The following FLRT1 variants were observed in gnomAD, a reference collection of about 807,000 sequenced individuals.
FLRT1 encodes leucine-rich repeat transmembrane protein FLRT1.
A neutral mutation model predicts 30.9 loss-of-function variants in FLRT1; 14 were observed. The ratio of observed to expected loss-of-function variants is 0.45; its 90% CI spans 0.30 to 0.71. FLRT1 has a LOEUF of 0.71. FLRT1 is among the 30% of genes least tolerant of loss of function. FLRT1 has a pLI of 0.08. For synonymous variants in FLRT1, 368 were observed against 430.4 expected (o/e 0.85, Z 1.80); for missense variants, 737 against 949.2 (o/e 0.78, Z 2.94).
chr11:64,117,621 C>T lies in FLRT1; in HGVS notation c.1354C>T (p.Arg452Cys), dbSNP rs373849969. Residue 452 changes from arginine (R) to cysteine (C), a missense_variant, in exon 3 of 3, where the codon CGC (arginine) becomes TGC (cysteine). Transcript: ENST00000682287. The stretch of plus-strand genomic sequence containing the variant: ...GAAGGCCCTGACGGCAGACTCCATC[C>T]GCATCACGTGGAAGGCCACGCTCCC... Reference protein sequence around the residue: ...HVKALTADSIRITWKATLPAS... With the variant: ...HVKALTADSICITWKATLPAS... The T allele has an allele frequency of 9.9e-6, 16 of 1,613,778 alleles. No homozygotes were observed. Among genetic ancestry groups the T allele is most frequent in the Admixed American group, 6.7e-5 (4 of 60,032 alleles).
chr11:64,108,491 A>G (rs1410861680), intron 2 of FLRT1, among the ~76,000 whole-genome samples: 2 of 151,980 alleles, frequency 1.3e-5, no homozygotes, highest in African/African-American at 4.8e-5. Context: ...TGCCCTGTCT[A>G]CCTCCTGGCC....
At chr11:64,051,789 C>T (rs2134414078) in intron 1 of FLRT1, among the ~76,000 whole-genome samples, 1 of 152,216 alleles carries the variant, frequency 6.6e-6, no homozygotes, top group Admixed American at 6.5e-5. Flanking sequence ...GTGCCCATTG[C>T]CCATGGCTTC....
In FLRT1 at chr11:64,117,320, C is replaced by T. The variant is rs536649408; in HGVS notation, c.1053C>T (p.Asn351=). 2.6e-5 allele frequency: 42 copies of T among 1,614,120 alleles called. No individual in the cohort carries two copies. In the South Asian group the frequency reaches 3.1e-4, roughly 12 times the overall value. Residue 351 remains asparagine, a synonymous_variant, in exon 3 of 3, where the codon AAC becomes AAT. Coordinates refer to ENST00000682287, the MANE Select transcript of FLRT1 (RefSeq NM_013280.5). The stretch of plus-strand genomic sequence containing the variant: ...TGAAGGCACGGGCGGCCGTGGTCAA[C>T]GTGCGGGGCCTCATGTGCCAGGGCC... ...DWVKARAAVV[N]VRGLMCQGPE...
intron 1 of FLRT1, among the ~76,000 whole-genome samples, chr11:64,053,674 T>C (rs1405605297): frequency 6.6e-6 from 1 of 152,150 alleles, no homozygotes; most frequent in African/African-American, 2.4e-5. Flanking sequence ...CAGGTGTGAC[T>C]GCCTGGGGGA....
intron 2 of FLRT1, among the ~76,000 whole-genome samples, chr11:64,107,934 G>A (rs189152099): frequency 2.6e-5 from 4 of 152,326 alleles, no homozygotes; most frequent in Admixed American, 2.0e-4. Context: ...CTCATTGCTA[G>A]TAATGGTAAT....
chr11:64,063,571 G>A lies in FLRT1; in HGVS notation c.-1038+27412G>A, dbSNP rs534209350. The stretch of plus-strand genomic sequence containing the variant: ...CCCAGCAGCCAGCAACCTTCAATGC[G>A]GCCTCTTCCCCGGCGTCTCTTCCTG... On this transcript the variant is annotated intron_variant, in intron 1 of 2. Coordinates refer to ENST00000682287, the MANE Select transcript of FLRT1 (RefSeq NM_013280.5). Among the ~76,000 whole-genome samples, 72 of 152,280 alleles carry A rather than the reference G, an allele frequency of 4.7e-4. 1 individual carries two copies. The South Asian group carries it at 0.014, about 30-fold the overall frequency.
At position 64,053,950 on chromosome 11, in the gene FLRT1, G is replaced by A. The variant is rs1026153646; in HGVS notation, c.-1038+17791G>A. Among the ~76,000 whole-genome samples the A allele has an allele frequency of 4.6e-5, 7 of 152,220 alleles. No homozygotes were observed. The South Asian group carries it at 1.0e-3, about 23-fold the overall frequency. On this transcript the variant is annotated intron_variant, in intron 1 of 2. Coordinates refer to ENST00000682287, the MANE Select transcript of FLRT1 (RefSeq NM_013280.5). ...GCCCGGAGTCATCCTTGCATGGCAC[G>A]GAGCTGTTCCTGCGTTCCAGCACCG...
At position 64,119,068 on chromosome 11, in the gene FLRT1, G is replaced by T. The variant is rs538061716; in HGVS notation, c.*776G>T. 1.6e-4 allele frequency: 26 copies of T among 167,208 alleles called. No individual in the cohort carries two copies. Among genetic ancestry groups the T allele is most frequent in the African/African-American group, 6.3e-4 (26 of 41,430 alleles). The allele number at this position is 167,208 out of a possible 1,614,324, so 10.4% of individuals were successfully genotyped here. ...CTGTCTGCCTGTCTATCCCTGTCGC[G>T]GTGTCTCTAAGTACAGATGGGTAGA... is the stretch of plus-strand genomic sequence containing the variant. On this transcript the variant is annotated 3_prime_UTR_variant, in exon 3 of 3. Coordinates refer to ENST00000682287, the MANE Select transcript of FLRT1 (RefSeq NM_013280.5).
intron 2 of FLRT1, among the ~76,000 whole-genome samples, chr11:64,106,183 A>G (rs951288072): frequency 6.6e-6 from 1 of 152,130 alleles, no homozygotes; most frequent in African/African-American, 2.4e-5. Flanking sequence ...AGCTCCAGAC[A>G]TCGAGTCTGA....
intron 1 of FLRT1, among the ~76,000 whole-genome samples, chr11:64,075,681 C>CT (rs1283009661): frequency 2.0e-5 from 3 of 152,132 alleles, no homozygotes; most frequent in Non-Finnish European, 2.9e-5. Flanking sequence ...GCTGCTGCTT[C>CT]TTTTTTTTGA....
intron 1 of FLRT1, among the ~76,000 whole-genome samples, chr11:64,061,193 A>C (rs1943896430): frequency 6.6e-6 from 1 of 152,254 alleles, no homozygotes; most frequent in African/African-American, 2.4e-5. Context: ...CCAGTAAATA[A>C]GTCCCCCGCT....
intron 1 of FLRT1, among the ~76,000 whole-genome samples, chr11:64,063,136 A>G (rs1052256724): frequency 2.0e-5 from 3 of 152,166 alleles, no homozygotes; most frequent in Non-Finnish European, 4.4e-5. Context: ...AGGCCACCCT[A>G]TGGTGATCAA....
At chr11:64,086,334 G>A (rs1196713126) in intron 1 of FLRT1, among the ~76,000 whole-genome samples, 1 of 152,080 alleles carries the variant, frequency 6.6e-6, no homozygotes, top group African/African-American at 2.4e-5. Flanking sequence ...GGGGTGTGCA[G>A]TTCTAAGACC....
At chr11:64,061,604 G>T (rs534554914) in intron 1 of FLRT1, among the ~76,000 whole-genome samples, 140 of 152,280 alleles carry the variant, frequency 9.2e-4, no homozygotes, top group African/African-American at 3.3e-3. Context: ...GATGGGGTCC[G>T]AATCTGCATG....
rs148302155 is a variant in FLRT1 at position 64,064,120 on chromosome 11, C to T, written c.-1038+27961C>T. Among the ~76,000 whole-genome samples, 2 of 152,324 alleles carry T rather than the reference C, an allele frequency of 1.3e-5. No individual in the cohort carries two copies. The highest frequency in any genetic ancestry group is 2.9e-5 in the Non-Finnish European group (2 of 68,030). ...GCGCCCCCTATCTCTCCAAGCCCCT[C>T]GGTCTCTCCCACTCTCCCTTTCAGC... On this transcript the variant is annotated intron_variant, in intron 1 of 2. Coordinates refer to ENST00000682287, the MANE Select transcript of FLRT1 (RefSeq NM_013280.5). The surrounding 1 kb of genome is among the most constrained non-coding windows in gnomAD (Gnocchi z 4.5).
At chr11:64,077,953 C>T (rs1037108816) in intron 1 of FLRT1, among the ~76,000 whole-genome samples, 15 of 152,186 alleles carry the variant, frequency 9.9e-5, no homozygotes, top group African/African-American at 2.2e-4. Context: ...CTGATGGGCC[C>T]GTGCTCAGCC....
intron 1 of FLRT1, among the ~76,000 whole-genome samples, chr11:64,085,588 C>T (rs2134505254): frequency 6.6e-6 from 1 of 152,362 alleles, no homozygotes; most frequent in Admixed American, 6.5e-5. Flanking sequence ...CCACCCCAGG[C>T]CGCAGCGTGG....
chr11:64,076,473 A>ACAG (rs1944204245), intron 1 of FLRT1, among the ~76,000 whole-genome samples: 2 of 151,744 alleles, frequency 1.3e-5, no homozygotes, highest in African/African-American at 4.8e-5. Context: ...CGGACGGACG[A>ACAG]ATGGATGGAT....
intron 1 of FLRT1, chr11:64,060,707 T>G (rs1211256595): frequency 6.6e-6 from 1 of 152,252 alleles, no homozygotes; most frequent in Admixed American, 6.5e-5. Context: ...CATTCATTCA[T>G]TCATCAACTT....
Sources: allele counts gnomAD v4.1 joint callset (sites outside exome capture counted in the v4.1 genomes callset), GRCh38; gene constraint gnomAD v4.1.1; non-coding constraint Gnocchi (gnomAD v3.1); transcripts MANE v1.5; gene names NCBI Gene and HGNC (gene_info 2026-07-23, HGNC 2026-07-21).